PXDNL: variants seen among roughly 807,000 people sequenced by gnomAD.
PXDNL encodes the protein probable oxidoreductase PXDNL.
In PXDNL, 145 loss-of-function variants were observed where a neutral mutation model predicts 150.8. The ratio of observed to expected loss-of-function variants is 0.96; its 90% CI spans 0.84 to 1.10. The LOEUF (loss-of-function observed/expected upper bound fraction) is 1.10, where lower values mean the gene tolerates loss of function less well. Ranked by LOEUF, PXDNL falls within the 50% of genes least tolerant of loss-of-function variation. The probability of loss-of-function intolerance (pLI) is 0.00; values close to 1 mark genes in which losing one functional copy is unlikely to be tolerated. For synonymous variants in PXDNL, 757 were observed against 725.7 expected, an observed-to-expected ratio of 1.04 and a Z score of -0.69; for missense variants, 2,087 against 1,873.9, an observed-to-expected ratio of 1.11 and a Z score of -2.10.
intron 1 of PXDNL, among the ~76,000 whole-genome samples, chr8:51,759,461 A>G (rs1347924332): frequency 1.3e-5 from 2 of 152,072 alleles, no homozygotes; most frequent in Non-Finnish European, 2.9e-5. Flanking sequence ...TTGATTATCT[A>G]TGTCCCCGAT....
intron 2 of PXDNL, among the ~76,000 whole-genome samples, chr8:51,637,363 C>T (rs545022473): frequency 2.0e-4 from 31 of 152,210 alleles, no homozygotes; most frequent in Non-Finnish European, 3.4e-4. Flanking sequence ...ATGACTTTGA[C>T]GAGTTGAAAG....
At chr8:51,719,683 A>T (rs1000472293) in intron 1 of PXDNL, among the ~76,000 whole-genome samples, 6 of 152,100 alleles carry the variant, frequency 3.9e-5, no homozygotes, top group African/African-American at 1.4e-4. Flanking sequence ...TGAGAATTTT[A>T]AAAACTATAA....
At chr8:51,694,796 T>C (rs16916731) in intron 1 of PXDNL, among the ~76,000 whole-genome samples, 5,264 of 152,286 alleles carry the variant, frequency 0.035, 293 homozygotes, top group African/African-American at 0.11. Flanking sequence ...AGCTGTAAGG[T>C]AGACATTAGG....
intron 4 of PXDNL, among the ~76,000 whole-genome samples, chr8:51,542,697 C>T (rs981783838): frequency 6.6e-6 from 1 of 151,786 alleles, no homozygotes; most frequent in African/African-American, 2.4e-5. Flanking sequence ...GTAATCCCAG[C>T]TACTCAGGAG....
intron 12 of PXDNL, among the ~76,000 whole-genome samples, chr8:51,445,530 A>T (rs1364598740): frequency 7.2e-5 from 11 of 152,224 alleles, no homozygotes; most frequent in Non-Finnish European, 1.5e-5. Flanking sequence ...TCTAACACTA[A>T]TTTCAACAGG....
At chr8:51,354,953 T>C (rs537206444) in intron 19 of PXDNL, among the ~76,000 whole-genome samples, 2 of 152,236 alleles carry the variant, frequency 1.3e-5, no homozygotes, top group South Asian at 4.1e-4. Flanking sequence ...GGGCTATTAT[T>C]TGCCCTTTTT....
chr8:51,585,020 TAAC>T, intron 3 of PXDNL, among the ~76,000 whole-genome samples: 1 of 152,130 alleles, frequency 6.6e-6, no homozygotes, highest in Non-Finnish European at 1.5e-5. Context: ...CTTTAGGACT[TAAC>T]AACTAACTAG....
At chr8:51,407,216 C>T (rs1216379189) in intron 17 of PXDNL, among the ~76,000 whole-genome samples, 1 of 152,168 alleles carries the variant, frequency 6.6e-6, no homozygotes, top group African/African-American at 2.4e-5. Context: ...AAATACATTA[C>T]ACATTTTCAC....
intron 11 of PXDNL, among the ~76,000 whole-genome samples, 162 bp downstream of exon 11, chr8:51,448,840 C>T (rs1307930501): frequency 2.0e-5 from 3 of 152,134 alleles, no homozygotes; most frequent in Admixed American, 6.5e-5. Context: ...CAAAACACCA[C>T]GAAAATTATG....
At chr8:51,712,379 TTTCTTTTA>T (rs1405922004) in intron 1 of PXDNL, among the ~76,000 whole-genome samples, 3 of 152,230 alleles carry the variant, frequency 2.0e-5, no homozygotes, top group African/African-American at 7.2e-5. Flanking sequence ...ACTTTCATTT[TTTCTTTTA>T]TGTAGAATTC....
intron 17 of PXDNL, among the ~76,000 whole-genome samples, chr8:51,377,349 G>T (rs553116817): frequency 1.3e-5 from 2 of 152,242 alleles, no homozygotes; most frequent in African/African-American, 4.8e-5. Flanking sequence ...CAGCGTGCTG[G>T]CAGCCCTGGC....
At chr8:51,799,962 C>T (rs2037601579) in intron 1 of PXDNL, among the ~76,000 whole-genome samples, 1 of 152,168 alleles carries the variant, frequency 6.6e-6, no homozygotes, top group Non-Finnish European at 1.5e-5. Flanking sequence ...TCTCCCTTAG[C>T]TGATTTTCCC....
intron 4 of PXDNL, among the ~76,000 whole-genome samples, chr8:51,547,309 A>G (rs958897185): frequency 6.6e-6 from 1 of 152,112 alleles, no homozygotes; most frequent in Non-Finnish European, 1.5e-5. Context: ...AAATTTCACC[A>G]GCTGCAACAC....
intron 5 of PXDNL, among the ~76,000 whole-genome samples, chr8:51,495,819 A>T (rs1811032833): frequency 1.3e-5 from 2 of 152,210 alleles, no homozygotes; most frequent in South Asian, 4.2e-4. Context: ...GGCCAGGACC[A>T]GAAGGAGTCA....
In PXDNL at chr8:51,408,506, C is replaced by T; in HGVS notation, c.3118G>A (p.Val1040Met). Reference sequence around the variant, plus strand: ...AAAGAGTTAATGATGCCTGCATTCACGTTGGGGTTGTAGCCTCGGTAACCC... The same window carrying T: ...AAAGAGTTAATGATGCCTGCATTCATGTTGGGGTTGTAGCCTCGGTAACCC... Reference protein sequence around the residue: ...LRGYRGYNPNVNAGIINSFAT... With the variant: ...LRGYRGYNPNMNAGIINSFAT... Residue 1040 changes from valine to methionine, a missense_variant, in exon 17 of 23, where the codon GTG (valine) becomes ATG (methionine). By Grantham distance (21) the Val-to-Met change is conservative (BLOSUM62 1). Transcript: ENST00000356297. 1 of 1,613,312 alleles carries T rather than the reference C, an allele frequency of 6.2e-7. No homozygotes were observed. The highest frequency in any genetic ancestry group is 8.5e-7 in the Non-Finnish European group (1 of 1,179,572).
At chr8:51,656,452 A>G (rs1356426392) in intron 1 of PXDNL, among the ~76,000 whole-genome samples, 3 of 152,192 alleles carry the variant, frequency 2.0e-5, no homozygotes, top group East Asian at 1.9e-4. Flanking sequence ...GATCCTCCCT[A>G]TAAACATATA....
rs371539238 is a variant in PXDNL, at chr8:51,374,605, A to G, written c.3684T>C (p.Asp1228=). The G allele has an allele frequency of 7.3e-4, 1,183 of 1,613,796 alleles. No individual in the cohort carries two copies. Among genetic ancestry groups the G allele is most frequent in the Admixed American group, 1.6e-3 (96 of 60,006 alleles). The change falls in exon 18 of 23, where the codon GAT becomes GAC. Residue 1228 remains aspartate (D), a synonymous_variant. Coordinates refer to ENST00000356297, the MANE Select transcript of PXDNL (RefSeq NM_144651.5). ...AACAGATAATCATTCACCTATCTCCATCTCTTAGCCGCTGAAACTGGGTAA... is the reference window on the plus strand; with the variant it reads ...AACAGATAATCATTCACCTATCTCCGTCTCTTAGCCGCTGAAACTGGGTAA... ...LFVTQFQRLR[D]GDRFWYENPG... is the part of the protein sequence containing the mutation.
At chr8:51,735,835 C>T (rs1318920059) in intron 1 of PXDNL, among the ~76,000 whole-genome samples, 2 of 151,938 alleles carry the variant, frequency 1.3e-5, no homozygotes, top group African/African-American at 2.4e-5. Flanking sequence ...CGTGAGCCAC[C>T]GCGCCCGGCC....
intron 1 of PXDNL, among the ~76,000 whole-genome samples, chr8:51,769,758 T>C (rs1328074497): frequency 6.6e-6 from 1 of 152,186 alleles, no homozygotes; most frequent in Non-Finnish European, 1.5e-5. Context: ...TAGCTAAAAG[T>C]CATGTAGCTA....
Sources: allele counts gnomAD v4.1 joint callset (sites outside exome capture counted in the v4.1 genomes callset), GRCh38; gene constraint gnomAD v4.1.1; transcripts MANE v1.5; gene names NCBI Gene and HGNC (gene_info 2026-07-23, HGNC 2026-07-21).